TRIM2: variants seen among roughly 807,000 people sequenced by gnomAD.
TRIM2 encodes the protein tripartite motif containing 2.
TRIM2 carries 20 observed loss-of-function variants against 75.2 expected under a neutral mutation model. The ratio of observed to expected loss-of-function variants is 0.27; its 90% CI spans 0.19 to 0.39. The LOEUF is 0.39. Ranked by LOEUF, TRIM2 falls within the 10% of genes least tolerant of loss-of-function variation. TRIM2 has a pLI of 1.00. For missense variants in TRIM2, 660 were observed against 990.8 expected, an observed-to-expected ratio of 0.67 and a Z score of 4.48; for synonymous variants, 373 against 388.3, an observed-to-expected ratio of 0.96 and a Z score of 0.46.
At position 153,292,997 on chromosome 4, in the gene TRIM2, T is replaced by C. The variant is rs1762123551; in HGVS notation, c.469T>C (p.Cys157Arg). 1 of 1,610,690 alleles carries C rather than the reference T, an allele frequency of 6.2e-7. No individual in the cohort carries two copies. Among genetic ancestry groups the C allele is most frequent in the Non-Finnish European group, 8.5e-7 (1 of 1,177,892 alleles). ...NHDGNVMEFYCQSCETAMCRE... is the reference protein window; with the variant it reads ...NHDGNVMEFYRQSCETAMCRE... ...TCATCCACAGGTGATGGAATTTTAC[T>C]GCCAGTCCTGTGAGACTGCCATGTG... The change falls in exon 4 of 12, where the codon TGC becomes CGC. Residue 157 changes from cysteine to arginine, a missense_variant. This residue lies in a region of TRIM2 where 620 missense variants were observed against 891.0 expected (regional missense o/e 0.70). Transcript: ENST00000338700.
chr4:153,233,526 C>A (rs1206380361), intron 1 of TRIM2, among the ~76,000 whole-genome samples: 1 of 152,058 alleles, frequency 6.6e-6, no homozygotes, highest in Non-Finnish European at 1.5e-5. Flanking sequence ...TTATATCACC[C>A]CCAAAATTCT....
At chr4:153,231,569 T>C (rs192128664) in intron 1 of TRIM2, among the ~76,000 whole-genome samples, 18 of 152,062 alleles carry the variant, frequency 1.2e-4, no homozygotes, top group Admixed American at 3.3e-4. Context: ...GGCAAGGAAG[T>C]CGTGGGCATT....
intron 6 of TRIM2, among the ~76,000 whole-genome samples, chr4:153,306,934 C>A (rs1041512426): frequency 1.1e-4 from 17 of 152,146 alleles, no homozygotes; most frequent in African/African-American, 1.7e-4. Context: ...GAAGTGAAGC[C>A]CCTGCCTTTT....
intron 1 of TRIM2, among the ~76,000 whole-genome samples, chr4:153,225,964 G>C (rs1338240816): frequency 1.3e-5 from 2 of 152,138 alleles, no homozygotes; most frequent in Non-Finnish European, 2.9e-5. Context: ...TCCAACTCCT[G>C]GGCTCAAGCT....
rs1340826868 is a variant in TRIM2, at chr4:153,336,283, AT to A, written c.*1322del. The stretch of plus-strand genomic sequence containing the variant: ...TGGAGCAAGCCCTAAAGCAGATTTA[AT>A]TTTTGCCATTTTCCAAGAATGACGG... On this transcript the variant is annotated 3_prime_UTR_variant, in exon 12 of 12. Coordinates refer to ENST00000338700, the MANE Select transcript of TRIM2 (RefSeq NM_015271.5). 1 of 984,490 alleles carries A rather than the reference AT, an allele frequency of 1.0e-6. No individual in the cohort carries two copies. The highest frequency in any genetic ancestry group is 1.2e-6 in the Non-Finnish European group (1 of 829,722). The allele number at this position is 984,490 out of a possible 1,614,324, so 61.0% of individuals were successfully genotyped here. A position where few individuals can be genotyped will look rare whatever the true frequency, so the allele number is the denominator to read the frequency against.
In TRIM2 at chr4:153,257,071, G is replaced by T. The variant is rs72727899; in HGVS notation, c.31-13264G>T. On this transcript the variant is annotated intron_variant, in intron 1 of 11. Coordinates refer to ENST00000338700, the MANE Select transcript of TRIM2 (RefSeq NM_015271.5). ...CTAAATGTGAACTTTTCATATTGAG[G>T]TACCATATGCCCAGTTTCTTCCTAG... 4.3e-3 allele frequency among the ~76,000 whole-genome samples: 658 copies of T among 152,288 alleles called. 6 individuals carry two copies. The highest frequency in any genetic ancestry group is 5.2e-3 in the Non-Finnish European group (355 of 68,028).
Position 153,196,147 on chromosome 4 carries a change from C to T in TRIM2, c.-49+42877C>T, listed in dbSNP as rs192217105. ...CTTTGAGAAGTTAATGAACATTGGC[C>T]GGGCAGGGTGGCTCACACCTGTAAT... On this transcript the variant is annotated intron_variant, in intron 1 of 11. Coordinates refer to the TRIM2 transcript ENST00000437508. Among the ~76,000 whole-genome samples, 115 of 150,812 alleles carry T rather than the reference C, an allele frequency of 7.6e-4. 1 individual carries two copies. The highest frequency in any genetic ancestry group is 6.0e-3 in the East Asian group (29 of 4,858).
chr4:153,188,612 A>G (rs1638641962), intron 1 of TRIM2, among the ~76,000 whole-genome samples: 1 of 152,156 alleles, frequency 6.6e-6, no homozygotes, highest in South Asian at 2.1e-4. Flanking sequence ...TTTTGCAGTT[A>G]GAATGGTTCT....
intron 4 of TRIM2, among the ~76,000 whole-genome samples, chr4:153,293,561 G>T (rs1339238508): frequency 6.6e-6 from 1 of 152,164 alleles, no homozygotes; most frequent in Non-Finnish European, 1.5e-5. Context: ...AGCAGTGATT[G>T]CTAATTTTCC....
intron 1 of TRIM2, among the ~76,000 whole-genome samples, chr4:153,236,329 C>T (rs1431546168): frequency 6.6e-6 from 1 of 152,178 alleles, no homozygotes; most frequent in Non-Finnish European, 1.5e-5. Flanking sequence ...TACTTATCCT[C>T]ACCTTGTACC....
intron 11 of TRIM2, among the ~76,000 whole-genome samples, chr4:153,330,571 G>GAAAAA (rs1451980130): frequency 7.9e-5 from 12 of 152,110 alleles, no homozygotes; most frequent in Admixed American, 7.9e-4. Flanking sequence ...TAAAAATAAA[G>GAAAAA]AAAATCAGTC....
chr4:153,334,985 C>A lies in TRIM2; in HGVS notation c.*19C>A, dbSNP rs753728862. On this transcript the variant is annotated 3_prime_UTR_variant, in exon 12 of 12. Coordinates refer to ENST00000338700, the MANE Select transcript of TRIM2 (RefSeq NM_015271.5). ...ACAGTAATGGTGGGCAGGTGGATAC[C>A]CGCTTCCATGGTCTTGCACTATAAA... 1.4e-5 allele frequency: 22 copies of A among 1,603,968 alleles called. No homozygotes were observed. The highest frequency in any genetic ancestry group is 1.8e-5 in the Non-Finnish European group (21 of 1,173,514).
At chr4:153,257,723 T>C in intron 1 of TRIM2, 1 of 680,566 alleles carries the variant, frequency 1.5e-6, no homozygotes, top group South Asian at 1.5e-5. Context: ...TGGGAGGATT[T>C]AATTCTTTGC....
intron 1 of TRIM2, among the ~76,000 whole-genome samples, chr4:153,172,479 A>C (rs1216682743): frequency 6.6e-6 from 1 of 151,894 alleles, no homozygotes; most frequent in Admixed American, 6.6e-5. Context: ...GAGCCACTAC[A>C]CCCAGCCTAT....
chr4:153,266,095 A>G (rs759364113), intron 1 of TRIM2, among the ~76,000 whole-genome samples: 1 of 152,218 alleles, frequency 6.6e-6, no homozygotes, highest in Non-Finnish European at 1.5e-5. Context: ...CCGTTTAACT[A>G]TGCAGTGAGT....
chr4:153,326,844 G>T (rs7658140), intron 10 of TRIM2, among the ~76,000 whole-genome samples: 3 of 151,978 alleles, frequency 2.0e-5, no homozygotes, highest in Non-Finnish European at 4.4e-5. Context: ...AGCCGGGCGT[G>T]GTGGTGGGCG....
At chr4:153,214,468 G>A (rs1737951186) in intron 1 of TRIM2, among the ~76,000 whole-genome samples, 1 of 152,176 alleles carries the variant, frequency 6.6e-6, no homozygotes, top group Non-Finnish European at 1.5e-5. Context: ...CTGTAAAATT[G>A]CTTTTTGTAA....
At chr4:153,216,860 C>T (rs1023336966) in intron 1 of TRIM2, among the ~76,000 whole-genome samples, 5 of 152,130 alleles carry the variant, frequency 3.3e-5, no homozygotes, top group Non-Finnish European at 7.3e-5. Flanking sequence ...AAAGGGGAGC[C>T]CTCATGATCT....
rs951935270 is a variant in TRIM2 at position 153,257,231 on chromosome 4, A to T, written c.31-13104A>T. 4.4e-5 allele frequency: 10 copies of T among 224,784 alleles called. No homozygotes were observed. The South Asian group carries it at 8.1e-4, about 18-fold the overall frequency. 13.9% of individuals were successfully genotyped at this position (224,784 alleles called of 1,614,324 possible). ...CTCTCCCCTGGTGAATCCTGCAGTC[A>T]CTTTCTGGTGATGGAGCTCAGCGGC... On this transcript the variant is annotated intron_variant, in intron 1 of 11. Transcript: ENST00000338700.
Sources: allele counts gnomAD v4.1 joint callset (sites outside exome capture counted in the v4.1 genomes callset), GRCh38; gene constraint gnomAD v4.1.1; regional missense constraint gnomAD v4.1.1; transcripts MANE v1.5; gene names NCBI Gene and HGNC (gene_info 2026-07-23, HGNC 2026-07-21).